HPCAL1: variants seen among roughly 807,000 people sequenced by gnomAD.
HPCAL1 encodes the protein hippocalcin like 1.
A neutral mutation model predicts 17.1 loss-of-function variants in HPCAL1; 8 were observed. The ratio of observed to expected loss-of-function variants is 0.47; its 90% confidence interval spans 0.27 to 0.84. The LOEUF is 0.84. Ranked by LOEUF, HPCAL1 falls within the 40% of genes least tolerant of loss-of-function variation. The pLI, the probability that HPCAL1 is intolerant of heterozygous loss-of-function variation, is 0.13. For missense variants in HPCAL1, 165 were observed against 271.1 expected (o/e 0.61, Z 2.75); for synonymous variants, 112 against 111.4 (o/e 1.01, Z -0.03).
intron 1 of HPCAL1, among the ~76,000 whole-genome samples, chr2:10,389,104 G>A (rs148958671): frequency 1.9e-4 from 29 of 152,232 alleles, no homozygotes; most frequent in Non-Finnish European, 3.8e-4. Context: ...TCCCTAAGAC[G>A]TGCCCACCAG....
rs536400106 is a variant in HPCAL1, at chr2:10,304,321, T to C, written c.-111+1144T>C. Among the ~76,000 whole-genome samples, 26 of 152,236 alleles carry C rather than the reference T, an allele frequency of 1.7e-4. 1 individual carries two copies. The South Asian group carries it at 5.2e-3, about 30-fold the overall frequency. ...CAGCTCAGCTCGTGGAGTCCGAGAG[T>C]CACGGCGTAAAATTGGCGCTTCCCG... On this transcript the variant is annotated intron_variant, in intron 1 of 4. Transcript: ENST00000307845. This position sits in a 1 kb window ranked among gnomAD's most constrained non-coding sequence, Gnocchi z 4.1.
chr2:10,356,839 A>G (rs1051456964), intron 1 of HPCAL1, among the ~76,000 whole-genome samples: 1 of 151,518 alleles, frequency 6.6e-6, no homozygotes, highest in Non-Finnish European at 1.5e-5. Flanking sequence ...TCTCCCACAG[A>G]CTCCTCCCTG....
chr2:10,351,908 TTTC>T (rs982589527), intron 1 of HPCAL1, among the ~76,000 whole-genome samples: 14 of 128,476 alleles, frequency 1.1e-4, no homozygotes, highest in South Asian at 1.0e-3. Flanking sequence ...TCTTTCTTTC[TTTC>T]TTTTTTTTTT....
chr2:10,316,987 G>A (rs1663355417), intron 1 of HPCAL1, among the ~76,000 whole-genome samples: 1 of 152,066 alleles, frequency 6.6e-6, no homozygotes, highest in Non-Finnish European at 1.5e-5. Context: ...TTCAAACTCT[G>A]GGCCCTCGGG....
chr2:10,371,420 GGGGGT>G (rs70948885), intron 1 of HPCAL1, among the ~76,000 whole-genome samples: 5 of 136,660 alleles, frequency 3.7e-5, no homozygotes, highest in African/African-American at 1.2e-4. Flanking sequence ...TGTAGGCCCA[GGGGGT>G]GGGGTGGGGT....
chr2:10,318,163 A>G (rs1262594190), intron 1 of HPCAL1, among the ~76,000 whole-genome samples: 2 of 152,026 alleles, frequency 1.3e-5, no homozygotes, highest in Non-Finnish European at 2.9e-5. Flanking sequence ...AGCTCTTTAC[A>G]CTTCCTAGGA....
At chr2:10,329,896 C>T (rs1392776485) in intron 1 of HPCAL1, among the ~76,000 whole-genome samples, 1 of 152,220 alleles carries the variant, frequency 6.6e-6, no homozygotes, top group Non-Finnish European at 1.5e-5. Flanking sequence ...GAAGAGACAG[C>T]TCCAGGCCCT....
chr2:10,388,705 G>T (rs1361036084), intron 1 of HPCAL1, among the ~76,000 whole-genome samples: 1 of 152,144 alleles, frequency 6.6e-6, no homozygotes, highest in Non-Finnish European at 1.5e-5. Flanking sequence ...CAGCCCCCAA[G>T]TCCCACTCCC....
intron 1 of HPCAL1, among the ~76,000 whole-genome samples, chr2:10,324,753 T>G (rs1572638524): frequency 7.2e-6 from 1 of 139,304 alleles, no homozygotes. Flanking sequence ...TGCTTTGTGT[T>G]GGGGGTGGGG....
chr2:10,307,803 G>A (rs1288225189), intron 1 of HPCAL1, among the ~76,000 whole-genome samples: 3 of 152,202 alleles, frequency 2.0e-5, no homozygotes, highest in Non-Finnish European at 4.4e-5. Context: ...CCCAGAGAAT[G>A]CTTCCAGTTC....
intron 3 of HPCAL1, 84 bp from the exon 4 acceptor site, chr2:10,422,899 T>A: frequency 1.1e-6 from 1 of 938,618 alleles, no homozygotes; most frequent in South Asian, 1.4e-5. Flanking sequence ...CGAGCCTTGT[T>A]GTGGGCTGGG....
intron 1 of HPCAL1, among the ~76,000 whole-genome samples, chr2:10,339,272 C>T (rs910826475): frequency 2.0e-5 from 3 of 152,062 alleles, no homozygotes; most frequent in African/African-American, 7.2e-5. Flanking sequence ...CCTGCCTCAG[C>T]CTCTGGAGTA....
intron 2 of HPCAL1, among the ~76,000 whole-genome samples, chr2:10,398,896 C>G (rs570352042): frequency 2.0e-5 from 3 of 152,164 alleles, no homozygotes; most frequent in Non-Finnish European, 4.4e-5. Flanking sequence ...GACACAACTG[C>G]ATGTGAAGGG....
chr2:10,400,675 G>A (rs1013509645), intron 2 of HPCAL1, among the ~76,000 whole-genome samples: 6 of 152,168 alleles, frequency 3.9e-5, no homozygotes, highest in African/African-American at 1.2e-4. Context: ...TCCTGTGGTC[G>A]TCCCCTCCAG....
chr2:10,396,022 G>A (rs1027159828), intron 1 of HPCAL1, among the ~76,000 whole-genome samples: 2 of 152,190 alleles, frequency 1.3e-5, no homozygotes, highest in Admixed American at 6.5e-5. Context: ...AGGCGGGCCC[G>A]TCCCGAGTTC....
In HPCAL1 at chr2:10,330,365, G is replaced by A. The variant is rs548223038; in HGVS notation, c.-111+27188G>A. Among the ~76,000 whole-genome samples, 2 of 152,284 alleles carry A rather than the reference G, an allele frequency of 1.3e-5. No homozygotes were observed. The highest frequency in any genetic ancestry group is 3.9e-4 in the East Asian group (2 of 5,186). Reference sequence around the variant, plus strand: ...GAAGGGCAGCAGCTTTGGAGCAAGGGCCACCCTGCCCCTCCCCACCAAGCC... The same window carrying A: ...GAAGGGCAGCAGCTTTGGAGCAAGGACCACCCTGCCCCTCCCCACCAAGCC... On this transcript the variant is annotated intron_variant, in intron 1 of 4. Coordinates refer to ENST00000307845, the MANE Select transcript of HPCAL1 (RefSeq NM_002149.4). This position sits in a 1 kb window ranked among gnomAD's most constrained non-coding sequence, Gnocchi z 4.2.
intron 1 of HPCAL1, among the ~76,000 whole-genome samples, chr2:10,374,344 C>T (rs1415702237): frequency 6.7e-6 from 1 of 150,068 alleles, no homozygotes; most frequent in African/African-American, 2.4e-5. Context: ...CCTTCTCACA[C>T]AGTCACACAC....
At chr2:10,410,436 C>CTT (rs36002921) in intron 2 of HPCAL1, among the ~76,000 whole-genome samples, 8,909 of 77,310 alleles carry the variant, frequency 0.12, 1,195 homozygotes, top group African/African-American at 0.22. Context: ...TCTTCTTCTT[C>CTT]TTTTTTTTTT....
intron 1 of HPCAL1, among the ~76,000 whole-genome samples, chr2:10,347,036 C>T (rs2125454699): frequency 7.4e-6 from 1 of 134,566 alleles, no homozygotes; most frequent in South Asian, 2.5e-4. Context: ...CTCAGAGGAG[C>T]AGAGTGCTCA....
Sources: allele counts gnomAD v4.1 joint callset (sites outside exome capture counted in the v4.1 genomes callset), GRCh38; gene constraint gnomAD v4.1.1; non-coding constraint Gnocchi (gnomAD v3.1); transcripts MANE v1.5; gene names NCBI Gene and HGNC (gene_info 2026-07-23, HGNC 2026-07-21).